CADPS: variants seen among roughly 807,000 people sequenced by gnomAD.
The protein encoded by CADPS is calcium dependent secretion activator.
Under a neutral mutation model 167.3 loss-of-function variants are expected in CADPS, and 57 were observed. The observed-to-expected ratio is 0.34, with a 90% confidence interval of 0.28 to 0.42. The LOEUF is 0.42. Among genes scored for constraint, CADPS ranks in the 20% least tolerant of loss-of-function variants. CADPS has a pLI of 1.00. For missense variants in CADPS, 1,414 were observed against 1,738.1 expected (o/e 0.81, Z 3.32); for synonymous variants, 676 against 635.3 (o/e 1.06, Z -0.96).
intron 1 of CADPS, among the ~76,000 whole-genome samples, chr3:62,799,244 T>A (rs1369560131): frequency 1.3e-5 from 2 of 152,096 alleles, no homozygotes; most frequent in Non-Finnish European, 2.9e-5. Context: ...AAGACCCAAA[T>A]GAGGGGGTTA....
At chr3:62,582,313 G>C (rs1439355216) in intron 8 of CADPS, among the ~76,000 whole-genome samples, 1 of 152,140 alleles carries the variant, frequency 6.6e-6, no homozygotes, top group East Asian at 1.9e-4. Context: ...GGGTGTGGTG[G>C]TGCACACCTG....
intron 1 of CADPS, among the ~76,000 whole-genome samples, chr3:62,795,371 T>C (rs1391005628): frequency 2.0e-5 from 3 of 152,168 alleles, no homozygotes; most frequent in Admixed American, 6.6e-5. Flanking sequence ...TGTTAGCATA[T>C]GCCCTAGATG....
At chr3:62,521,449 A>G (rs2070562344) in intron 13 of CADPS, among the ~76,000 whole-genome samples, 1 of 152,190 alleles carries the variant, frequency 6.6e-6, no homozygotes, top group South Asian at 2.1e-4. Flanking sequence ...CTATATTGGT[A>G]TCTTTCAGAC....
intron 1 of CADPS, among the ~76,000 whole-genome samples, chr3:62,796,639 A>G (rs2093427626): frequency 6.6e-6 from 1 of 152,164 alleles, no homozygotes; most frequent in Non-Finnish European, 1.5e-5. Flanking sequence ...TCTTATTTAT[A>G]TGGGCATCAT....
chr3:62,759,137 G>T (rs928670389), intron 2 of CADPS, among the ~76,000 whole-genome samples: 5 of 152,118 alleles, frequency 3.3e-5, no homozygotes, highest in African/African-American at 1.2e-4. Flanking sequence ...GAACACCTGG[G>T]TTCAAATCCT....
rs965175842 is a variant in CADPS, at chr3:62,601,099, A to C, written c.1326-8351T>G. Among the ~76,000 whole-genome samples the C allele has an allele frequency of 6.6e-6, 1 of 152,218 alleles. No homozygotes were observed. Among genetic ancestry groups the C allele is most frequent in the African/African-American group, 2.4e-5 (1 of 41,464 alleles). On this transcript the variant is annotated intron_variant, in intron 6 of 29. Coordinates refer to ENST00000383710, the MANE Select transcript of CADPS (RefSeq NM_003716.4). This position sits in a 1 kb window ranked among gnomAD's most constrained non-coding sequence, Gnocchi z 4.3. ...AGTCTTCATTTTAGGATTATAGACC[A>C]GGGGTTGTTAAACTATGGCCATGGG...
chr3:62,401,758 G>A (rs1357018078), intron 29 of CADPS, among the ~76,000 whole-genome samples: 1 of 149,458 alleles, frequency 6.7e-6, no homozygotes, highest in Non-Finnish European at 1.5e-5. Context: ...TTTGGCAAAA[G>A]GCTAAGATTA....
intron 22 of CADPS, among the ~76,000 whole-genome samples, chr3:62,481,261 T>C (rs974135644): frequency 1.2e-4 from 18 of 152,220 alleles, no homozygotes; most frequent in African/African-American, 3.9e-4. Context: ...ACCAGAAATA[T>C]GCTTTATGGT....
At chr3:62,463,963 T>C (rs989595293) in intron 26 of CADPS, among the ~76,000 whole-genome samples, 3 of 152,162 alleles carry the variant, frequency 2.0e-5, no homozygotes, top group African/African-American at 7.2e-5. Flanking sequence ...CCCAGGAAGA[T>C]TAATGTATGG....
intron 28 of CADPS, among the ~76,000 whole-genome samples, chr3:62,411,007 A>C (rs1419798382): frequency 1.3e-5 from 2 of 152,118 alleles, no homozygotes; most frequent in African/African-American, 4.8e-5. Flanking sequence ...CAGGAGGCTG[A>C]GGTGGGAGGG....
intron 6 of CADPS, among the ~76,000 whole-genome samples, chr3:62,615,371 G>A (rs1295004920): frequency 6.6e-6 from 1 of 152,162 alleles, no homozygotes; most frequent in African/African-American, 2.4e-5. Context: ...TGGGAGTTAT[G>A]CTAATGACTC....
chr3:62,461,925 G>C (rs1348731108), intron 26 of CADPS, among the ~76,000 whole-genome samples: 2 of 152,230 alleles, frequency 1.3e-5, no homozygotes, highest in Non-Finnish European at 2.9e-5. Flanking sequence ...CACAGAACAT[G>C]ACACATAGGT....
chr3:62,483,310 G>A (rs1252156044), intron 21 of CADPS, among the ~76,000 whole-genome samples: 2 of 140,102 alleles, frequency 1.4e-5, no homozygotes, highest in Non-Finnish European at 3.1e-5. Flanking sequence ...GGGGAAGTGG[G>A]GGAGTAGGGG....
chr3:62,444,310 C>T (rs1197596755), intron 27 of CADPS, among the ~76,000 whole-genome samples: 1 of 152,240 alleles, frequency 6.6e-6, no homozygotes, highest in Non-Finnish European at 1.5e-5. Context: ...GTGGACATCA[C>T]ACTACCACCA....
chr3:62,451,387 C>T (rs1560550776), intron 26 of CADPS, among the ~76,000 whole-genome samples: 1 of 151,944 alleles, frequency 6.6e-6, no homozygotes, highest in East Asian at 1.9e-4. Context: ...GGGCTTAAAC[C>T]ACTTCTTTTG....
intron 17 of CADPS, among the ~76,000 whole-genome samples, chr3:62,507,632 G>A (rs559202616): frequency 6.6e-6 from 1 of 152,200 alleles, no homozygotes; most frequent in African/African-American, 2.4e-5. Context: ...AGCAGCTTCA[G>A]CATCACCTGG....
intron 6 of CADPS, among the ~76,000 whole-genome samples, chr3:62,630,429 C>G (rs2065063055): frequency 6.6e-6 from 1 of 152,180 alleles, no homozygotes. Flanking sequence ...CAACTCCCAC[C>G]TCTCAGCTTC....
At chr3:62,428,083 T>C (rs2053130008) in intron 28 of CADPS, among the ~76,000 whole-genome samples, 2 of 152,128 alleles carry the variant, frequency 1.3e-5, no homozygotes, top group South Asian at 4.1e-4. Context: ...TGTAAGCCTT[T>C]TGATACAGGA....
At chr3:62,655,799 T>A (rs2071408601) in intron 4 of CADPS, among the ~76,000 whole-genome samples, 1 of 152,062 alleles carries the variant, frequency 6.6e-6, no homozygotes, top group Non-Finnish European at 1.5e-5. Context: ...TTTAATCCAA[T>A]CTCTCAGACA....
Sources: allele counts gnomAD v4.1 joint callset (sites outside exome capture counted in the v4.1 genomes callset), GRCh38; gene constraint gnomAD v4.1.1; non-coding constraint Gnocchi (gnomAD v3.1); transcripts MANE v1.5; gene names NCBI Gene and HGNC (gene_info 2026-07-23, HGNC 2026-07-21).